Variants in PCDHA12 observed in about 807,000 individuals in gnomAD.
PCDHA12 encodes the protein protocadherin alpha-12.
PCDHA12 carries 44 observed loss-of-function variants against 60.0 expected under a neutral mutation model. That is an observed-to-expected ratio of 0.73 (90% CI 0.58 to 0.94). The LOEUF (loss-of-function observed/expected upper bound fraction) is 0.94, where lower values mean the gene tolerates loss of function less well. Among genes scored for constraint, PCDHA12 ranks in the 40% least tolerant of loss-of-function variants. The pLI, the probability that PCDHA12 is intolerant of heterozygous loss-of-function variation, is 0.00. For missense variants in PCDHA12, 1,276 were observed against 1,239.7 expected, an observed-to-expected ratio of 1.03 and a Z score of -0.44; for synonymous variants, 569 against 553.0, an observed-to-expected ratio of 1.03 and a Z score of -0.40.
chr5:140,938,025 C>A (rs1431326044), intron 1 of PCDHA12, among the ~76,000 whole-genome samples: 5 of 151,978 alleles, frequency 3.3e-5, no homozygotes, highest in Non-Finnish European at 7.4e-5. Context: ...AGTAAAATCT[C>A]ATATTTTTAT....
chr5:140,968,422 G>C, intron 1 of PCDHA12: 2 of 1,613,984 alleles, frequency 1.2e-6, no homozygotes, highest in Non-Finnish European at 1.7e-6. Context: ...TGGAGGCTCA[G>C]GACAAGGGGA....
chr5:140,927,813 G>A, intron 1 of PCDHA12: 1 of 1,614,176 alleles, frequency 6.2e-7, no homozygotes, highest in Non-Finnish European at 8.5e-7. Context: ...CGCTCTTGGA[G>A]GCATACATTG....
intron 3 of PCDHA12, among the ~76,000 whole-genome samples, chr5:140,997,279 A>G (rs1386656925): frequency 6.6e-6 from 1 of 152,166 alleles, no homozygotes; most frequent in Non-Finnish European, 1.5e-5. Flanking sequence ...TTCTTGCATC[A>G]CTTAACAATG....
intron 3 of PCDHA12, among the ~76,000 whole-genome samples, chr5:140,996,747 T>C (rs940274322): frequency 1.3e-5 from 2 of 152,190 alleles, no homozygotes; most frequent in Non-Finnish European, 2.9e-5. Flanking sequence ...TAACAAATTA[T>C]ATCTGTGCAG....
At chr5:140,926,899 G>A (rs1554203765) in intron 1 of PCDHA12, 2 of 1,552,028 alleles carry the variant, frequency 1.3e-6, no homozygotes, top group Non-Finnish European at 1.7e-6. Context: ...GAGGATGGTG[G>A]GCTGTGGGGT....
intron 1 of PCDHA12, among the ~76,000 whole-genome samples, chr5:140,935,509 C>T (rs2090411551): frequency 6.6e-6 from 1 of 152,080 alleles, no homozygotes; most frequent in Admixed American, 6.6e-5. Context: ...TTACAAATGC[C>T]CAGTAGGCAT....
At chr5:140,883,272 C>T in intron 1 of PCDHA12, 1 of 1,613,880 alleles carries the variant, frequency 6.2e-7, no homozygotes, top group Non-Finnish European at 8.5e-7. Context: ...GGTCATTGTA[C>T]CCTTTTGGTG....
intron 1 of PCDHA12, among the ~76,000 whole-genome samples, chr5:140,916,967 G>A (rs1215722713): frequency 2.6e-5 from 4 of 152,194 alleles, no homozygotes; most frequent in African/African-American, 9.7e-5. Context: ...TGACTGCTGG[G>A]ATGAGTGATT....
intron 3 of PCDHA12, among the ~76,000 whole-genome samples, chr5:140,993,462 T>TCTCA (rs1235362335): frequency 6.4e-5 from 9 of 140,938 alleles, no homozygotes; most frequent in African/African-American, 2.1e-4. Context: ...TCTTTCTTTC[T>TCTCA]CACACACACA....
intron 3 of PCDHA12, among the ~76,000 whole-genome samples, chr5:141,004,580 A>G (rs782539696): frequency 5.3e-5 from 8 of 152,222 alleles, no homozygotes; most frequent in Non-Finnish European, 1.2e-4. Context: ...TGTGTTCTGC[A>G]TCTCCAGATG....
At chr5:140,903,454 A>G (rs1554190971) in intron 1 of PCDHA12, among the ~76,000 whole-genome samples, 1 of 152,208 alleles carries the variant, frequency 6.6e-6, no homozygotes, top group Non-Finnish European at 1.5e-5. Flanking sequence ...ATCTGATCAA[A>G]CTTAAAATAT....
chr5:141,002,877 A>G (rs989540490), intron 3 of PCDHA12, among the ~76,000 whole-genome samples: 1 of 152,252 alleles, frequency 6.6e-6, no homozygotes, highest in Non-Finnish European at 1.5e-5. Context: ...CCTCAAGAAC[A>G]GAAAGAGAAC....
In PCDHA12 at chr5:140,941,217, T is replaced by TTC. The variant is rs1483555953; in HGVS notation, c.2368-37730_2368-37729dup. Among the ~76,000 whole-genome samples, 308 of 126,180 alleles carry TTC rather than the reference T, an allele frequency of 2.4e-3. 1 individual carries two copies. Among genetic ancestry groups the TTC allele is most frequent in the African/African-American group, 9.4e-3 (294 of 31,220 alleles). The allele number at this position is 126,180 out of a possible 152,430, so 82.8% of individuals were successfully genotyped here. On this transcript the variant is annotated intron_variant, in intron 1 of 3. Coordinates refer to ENST00000398631, the MANE Select transcript of PCDHA12 (RefSeq NM_018903.4). ...TTTCTTTCTTCCTTTCTTTCTTCCT[T>TTC]TCTTTCTTTCTTTCTTTCTTTCTTT...
intron 1 of PCDHA12, chr5:140,882,237 T>C (rs2059015707): frequency 8.2e-6 from 13 of 1,582,128 alleles, no homozygotes; most frequent in Non-Finnish European, 1.1e-5. Context: ...TTGTATATAT[T>C]GCAGATAGCT....
At position 141,011,371 on chromosome 5, in the gene PCDHA12, G is replaced by A. The variant is rs782444449; in HGVS notation, c.*1434G>A. 6.5e-6 allele frequency: 1 copy of A among 153,724 alleles called. No homozygotes were observed. The highest frequency in any genetic ancestry group is 1.5e-5 in the Non-Finnish European group (1 of 68,022). 9.5% of individuals were successfully genotyped at this position (153,724 alleles called of 1,614,324 possible). On this transcript the variant is annotated 3_prime_UTR_variant, in exon 4 of 4. Transcript: ENST00000398631. ...CTCCCATATGTATGCTGTATGCTAT[G>A]CTAAGACTCCTGAAATATACTTACT...
intron 3 of PCDHA12, among the ~76,000 whole-genome samples, chr5:141,003,593 G>A (rs1291518572): frequency 6.6e-6 from 1 of 152,140 alleles, no homozygotes; most frequent in African/African-American, 2.4e-5. Flanking sequence ...GATTTTAGAT[G>A]TGAGCCACCA....
chr5:140,946,828 G>A (rs246052), intron 1 of PCDHA12, among the ~76,000 whole-genome samples: 84,737 of 150,610 alleles, frequency 0.56, 24,429 homozygotes, highest in African/African-American at 0.69. Context: ...CCAGAGATGG[G>A]TAGGGCAGTA....
chr5:140,992,154 C>T (rs2097495252), intron 3 of PCDHA12, among the ~76,000 whole-genome samples: 1 of 151,952 alleles, frequency 6.6e-6, no homozygotes. Flanking sequence ...TTTGCTCAAT[C>T]AAGAAGTGTG....
At chr5:140,992,587 A>C (rs1393295001) in intron 3 of PCDHA12, among the ~76,000 whole-genome samples, 2 of 152,186 alleles carry the variant, frequency 1.3e-5, no homozygotes, top group African/African-American at 2.4e-5. Context: ...CCTTGTATGC[A>C]TCTAGCGTCT....
Sources: allele counts gnomAD v4.1 joint callset (sites outside exome capture counted in the v4.1 genomes callset), GRCh38; gene constraint gnomAD v4.1.1; transcripts MANE v1.5; gene names NCBI Gene and HGNC (gene_info 2026-07-23, HGNC 2026-07-21).